Variants in SPAM1 observed in about 807,000 individuals in gnomAD.
The protein encoded by SPAM1 is sperm adhesion molecule 1.
A neutral mutation model predicts 29.6 loss-of-function variants in SPAM1; 22 were observed. That is an observed-to-expected ratio of 0.74 (90% CI 0.53 to 1.06). The LOEUF is 1.06. Among genes scored for constraint, SPAM1 ranks in the 50% least tolerant of loss-of-function variants. SPAM1 has a pLI of 0.00. For synonymous variants in SPAM1, 194 were observed against 204.6 expected (o/e 0.95, Z 0.44); for missense variants, 534 against 604.0 (o/e 0.88, Z 1.21).
chr7:123,955,545 A>G (rs898199209), intron 4 of SPAM1, among the ~76,000 whole-genome samples: 17 of 151,986 alleles, frequency 1.1e-4, no homozygotes, highest in Admixed American at 1.3e-4. Flanking sequence ...GGAAATACCA[A>G]TGATGAACAT....
intron 1 of SPAM1, among the ~76,000 whole-genome samples, chr7:123,934,477 T>C (rs1808192261): frequency 6.6e-6 from 1 of 152,132 alleles, no homozygotes; most frequent in Non-Finnish European, 1.5e-5. Flanking sequence ...TACCCAGAAC[T>C]CCCACTACTG....
At chr7:123,964,411 T>C (rs541232691), downstream of SPAM1, among the ~76,000 whole-genome samples, 11 of 152,062 alleles carry the variant, frequency 7.2e-5, no homozygotes, top group South Asian at 2.3e-3. Context: ...TCCTAGATAA[T>C]AGATATAAGG....
intron 1 of SPAM1, chr7:123,932,444 T>G (rs1808115359): frequency 6.6e-6 from 1 of 152,296 alleles, no homozygotes; most frequent in African/African-American, 2.4e-5. Context: ...TGTTTCTAAC[T>G]GCCTATGAAG....
At chr7:123,970,608 A>AATAATAATAATAATTATTATT in intron 6 of SPAM1, among the ~76,000 whole-genome samples, 1 of 147,272 alleles carries the variant, frequency 6.8e-6, no homozygotes, top group South Asian at 2.2e-4. Flanking sequence ...TAATAATAAT[A>AATAATAATAATAATTATTATT]ATTATTATTA....
intron 5 of SPAM1, among the ~76,000 whole-genome samples, chr7:123,969,858 A>G (rs1213190563): frequency 1.3e-5 from 2 of 151,340 alleles, no homozygotes; most frequent in African/African-American, 4.9e-5. Context: ...TTTGATAGGG[A>G]TTGCATCAAA....
At chr7:123,951,480 C>T (rs1808764466) in intron 2 of SPAM1, among the ~76,000 whole-genome samples, 1 of 152,076 alleles carries the variant, frequency 6.6e-6, no homozygotes, top group African/African-American at 2.4e-5. Flanking sequence ...TTCTCTGTTC[C>T]AAGGCTTTGC....
At chr7:123,937,927 A>C (rs1030485697) in intron 1 of SPAM1, among the ~76,000 whole-genome samples, 10 of 152,196 alleles carry the variant, frequency 6.6e-5, no homozygotes, top group African/African-American at 2.4e-4. Flanking sequence ...AGTCATTGTC[A>C]AGAAAGACAT....
In SPAM1 at chr7:123,953,590, A is replaced by C; in HGVS notation, c.20A>C (p.Lys7Thr). 1 of 1,596,132 alleles carries C rather than the reference A, an allele frequency of 6.3e-7. No homozygotes were observed. Among genetic ancestry groups the C allele is most frequent in the Non-Finnish European group, 8.5e-7 (1 of 1,173,412 alleles). The part of the protein sequence containing the change: MGVLKF[K>T]HIFFRSFVKS... Reference sequence around the variant, plus strand: ...TTTACAATGGGAGTGCTAAAATTCAAGCACATCTTTTTCAGAAGCTTTGTT... The same window carrying C: ...TTTACAATGGGAGTGCTAAAATTCACGCACATCTTTTTCAGAAGCTTTGTT... Residue 7 changes from lysine (K) to threonine (T), a missense_variant, in exon 3 of 5, where the codon AAG becomes ACG. Physicochemically the swap from Lys to Thr is moderately conservative, Grantham distance 78. Transcript: ENST00000682466.
Position 123,928,424 on chromosome 7 carries a change from T to C in SPAM1, c.-319+3072T>C, listed in dbSNP as rs1011621887. Among the ~76,000 whole-genome samples the C allele has an allele frequency of 3.9e-5, 6 of 152,172 alleles. No homozygotes were observed. The East Asian group carries it at 9.6e-4, about 24-fold the overall frequency. Reference sequence around the variant, plus strand: ...AAAACATCTTTATAATTATACTCTATGGTGGCATTAAATTTACATAACAAA... The same window carrying C: ...AAAACATCTTTATAATTATACTCTACGGTGGCATTAAATTTACATAACAAA... On this transcript the variant is annotated intron_variant, in intron 1 of 4. Coordinates refer to ENST00000682466, the MANE Select transcript of SPAM1 (RefSeq NM_153189.3).
At chr7:123,967,171 A>G (rs1389406268) in intron 5 of SPAM1, among the ~76,000 whole-genome samples, 1 of 152,020 alleles carries the variant, frequency 6.6e-6, no homozygotes, top group East Asian at 1.9e-4. Context: ...CTTCTTCAAC[A>G]GTAACATTTC....
downstream of SPAM1, among the ~76,000 whole-genome samples, chr7:123,962,465 C>T (rs1049601379): frequency 4.6e-5 from 7 of 151,708 alleles, no homozygotes; most frequent in Non-Finnish European, 1.0e-4. Context: ...CAGATTTTTG[C>T]TTTACTCTGT....
chr7:123,967,344 G>C (rs922465763), intron 5 of SPAM1, among the ~76,000 whole-genome samples: 1 of 152,010 alleles, frequency 6.6e-6, no homozygotes, highest in African/African-American at 2.4e-5. Flanking sequence ...TTTTGTGATT[G>C]TCTGCAAGTT....
At chr7:123,951,267 G>A (rs1300771947) in intron 2 of SPAM1, among the ~76,000 whole-genome samples, 1 of 152,042 alleles carries the variant, frequency 6.6e-6, no homozygotes, top group Non-Finnish European at 1.5e-5. Flanking sequence ...GTTTAATAAA[G>A]TCCAGTTTGT....
At chr7:123,937,747 T>G (rs1808302565) in intron 1 of SPAM1, among the ~76,000 whole-genome samples, 1 of 152,158 alleles carries the variant, frequency 6.6e-6, no homozygotes, top group African/African-American at 2.4e-5. Context: ...TCTTCCAGCT[T>G]TGGTATAATA....
rs34978112 is a variant in SPAM1, at chr7:123,955,032, T to C, written c.990T>C (p.Ala330=). 0.022 allele frequency: 35,744 copies of C among 1,611,350 alleles called. 490 individuals carry two copies. Among genetic ancestry groups the C allele is most frequent in the Middle Eastern group, 0.054 (326 of 6,046 alleles). The change falls in exon 4 of 5, where the codon GCT becomes GCC. Residue 330 remains alanine (A), a synonymous_variant. Transcript: ENST00000682466. ...TGTATACATTTGGCGAAACTGTTGC[T>C]CTGGGTGCTTCTGGAATTGTAATAT... The part of the protein sequence containing the change: ...ELVYTFGETV[A]LGASGIVIWG...
At chr7:123,942,357 C>T (rs1808458244) in intron 1 of SPAM1, among the ~76,000 whole-genome samples, 1 of 152,144 alleles carries the variant, frequency 6.6e-6, no homozygotes. Flanking sequence ...TTATTTACTG[C>T]CTCAGAGACC....
rs548986903 is a variant in SPAM1 at position 123,957,786 on chromosome 7, C to A, written c.1045-1698C>A. On this transcript the variant is annotated intron_variant, in intron 4 of 4. Coordinates refer to ENST00000682466, the MANE Select transcript of SPAM1 (RefSeq NM_153189.3). ...TAGCAATGAGATCCCCATTATCTGG[C>A]TGGCTACTGGCAAATGGCTATTTCC... Among the ~76,000 whole-genome samples, 3 of 152,108 alleles carry A rather than the reference C, an allele frequency of 2.0e-5. No homozygotes were observed. In the South Asian group the frequency reaches 6.2e-4, roughly 32 times the overall value.
At chr7:123,958,597 G>A (rs1225510994) in intron 4 of SPAM1, among the ~76,000 whole-genome samples, 1 of 152,036 alleles carries the variant, frequency 6.6e-6, no homozygotes, top group Non-Finnish European at 1.5e-5. Context: ...GAAGGATGGG[G>A]TGGGAGGATT....
chr7:123,949,980 C>T lies in SPAM1; in HGVS notation c.-210C>T, dbSNP rs1808707080. ...GTGGCTGGATTTTGAAAGCAGACTT[C>T]TGGGTAAGTGTCATTGTTTGGGTTT... On this transcript the variant is annotated 5_prime_UTR_variant, in exon 2 of 5. Coordinates refer to ENST00000682466, the MANE Select transcript of SPAM1 (RefSeq NM_153189.3). 6.6e-6 allele frequency: 1 copy of T among 151,796 alleles called. No individual in the cohort carries two copies. The highest frequency in any genetic ancestry group is 2.1e-4 in the South Asian group (1 of 4,826). The allele number at this position is 151,796 out of a possible 1,614,324, so 9.4% of individuals were successfully genotyped here. A position where few individuals can be genotyped will look rare whatever the true frequency, so the allele number is the denominator to read the frequency against.
Sources: gnomAD v4.1 joint callset for allele counts (sites outside exome capture counted in the v4.1 genomes callset) on GRCh38, gnomAD v4.1.1 for gene constraint, MANE v1.5 for transcripts, NCBI Gene and HGNC (gene_info 2026-07-23, HGNC 2026-07-21) for gene names.